The following VAC14 variants were observed in gnomAD, a reference collection of about 807,000 sequenced individuals.
VAC14 encodes protein VAC14 homolog.
In VAC14, 47 loss-of-function variants were observed where a neutral mutation model predicts 85.3. The observed-to-expected ratio is 0.55, with a 90% CI of 0.44 to 0.70. The LOEUF is 0.70. VAC14 is among the 30% of genes least tolerant of loss of function. The pLI is 0.00. For synonymous variants in VAC14, 447 were observed against 430.5 expected, an observed-to-expected ratio of 1.04 and a Z score of -0.47; for missense variants, 861 against 1,004.3, an observed-to-expected ratio of 0.86 and a Z score of 1.93.
At chr16:70,705,971 G>A (rs1057236652) in intron 14 of VAC14, among the ~76,000 whole-genome samples, 1 of 152,184 alleles carries the variant, frequency 6.6e-6, no homozygotes, top group African/African-American at 2.4e-5. Context: ...ACAGATACAG[G>A]AAGGTCTCCT....
chr16:70,789,528 A>C (rs1159726149), intron 1 of VAC14, among the ~76,000 whole-genome samples: 7 of 152,176 alleles, frequency 4.6e-5, no homozygotes, highest in Non-Finnish European at 1.0e-4. Context: ...TCAGTGGTAG[A>C]ATTCTCGCCT....
intron 14 of VAC14, among the ~76,000 whole-genome samples, chr16:70,724,321 C>T (rs1371712746): frequency 6.6e-6 from 1 of 152,302 alleles, no homozygotes; most frequent in East Asian, 1.9e-4. Flanking sequence ...GCCAGGACCA[C>T]CCCCCACTCC....
chr16:70,795,494 T>TAAA (rs71153603), intron 1 of VAC14, among the ~76,000 whole-genome samples: 4,062 of 91,790 alleles, frequency 0.044, 111 homozygotes, highest in Non-Finnish European at 0.071. Flanking sequence ...AGACTCTGTC[T>TAAA]AAAAAAAAAA....
chr16:70,751,777 C>T (rs1567567099), intron 12 of VAC14, among the ~76,000 whole-genome samples: 1 of 152,232 alleles, frequency 6.6e-6, no homozygotes, highest in Non-Finnish European at 1.5e-5. Flanking sequence ...AAGGCATTGG[C>T]ACCAGCTGGC....
At position 70,771,882 on chromosome 16, in the gene VAC14, C is replaced by T. The variant is rs1185836922; in HGVS notation, c.1160+227G>A. On this transcript the variant is annotated intron_variant, in intron 10 of 18. Transcript: ENST00000261776. ...AGGCATAAGCCACCATGTCTGGCCC[C>T]CAGTGGCTTCTAATCCGCCCTATCT... 4 of 523,740 alleles carry T rather than the reference C, an allele frequency of 7.6e-6. No individual in the cohort carries two copies. The African/African-American group carries it at 7.7e-5, about 10-fold the overall frequency. The allele number at this position is 523,740 out of a possible 1,614,324, so 32.4% of individuals were successfully genotyped here.
At chr16:70,725,192 C>T (rs140030225) in intron 14 of VAC14, among the ~76,000 whole-genome samples, 7 of 152,308 alleles carry the variant, frequency 4.6e-5, no homozygotes, top group Non-Finnish European at 7.4e-5. Context: ...GAGGGGGCAC[C>T]GCACAAAGAC....
intron 9 of VAC14, among the ~76,000 whole-genome samples, chr16:70,778,020 G>A (rs1233800928): frequency 6.6e-6 from 1 of 152,190 alleles, no homozygotes; most frequent in Non-Finnish European, 1.5e-5. Context: ...GGATGTAAAG[G>A]CGCCAAATTA....
chr16:70,751,880 G>T (rs1243982883), intron 12 of VAC14, among the ~76,000 whole-genome samples: 1 of 152,204 alleles, frequency 6.6e-6, no homozygotes. Context: ...GAAAGGGGTG[G>T]CATCCTGAGA....
chr16:70,689,271 C>G (rs2053555468), intron 18 of VAC14: 1 of 985,492 alleles, frequency 1.0e-6, no homozygotes, highest in Middle Eastern at 5.2e-4. Flanking sequence ...GTATCCAGCC[C>G]CAGCTTAGGT....
At chr16:70,723,164 G>C (rs2054336905) in intron 14 of VAC14, among the ~76,000 whole-genome samples, 1 of 152,038 alleles carries the variant, frequency 6.6e-6, no homozygotes, top group South Asian at 2.1e-4. Context: ...GGAGGTTGCA[G>C]TGAGCTGAGA....
intron 1 of VAC14, among the ~76,000 whole-genome samples, chr16:70,795,900 G>T (rs2034525801): frequency 6.6e-6 from 1 of 152,194 alleles, no homozygotes; most frequent in Admixed American, 6.5e-5. Flanking sequence ...GTGAGACAGT[G>T]GGGGCCCTGC....
chr16:70,763,952 G>A (rs1176086957), intron 10 of VAC14, among the ~76,000 whole-genome samples: 1 of 152,148 alleles, frequency 6.6e-6, no homozygotes, highest in African/African-American at 2.4e-5. Flanking sequence ...CCTTCCTACC[G>A]AGGCACTACA....
intron 15 of VAC14, among the ~76,000 whole-genome samples, chr16:70,697,958 C>G (rs78094630): frequency 0.03 from 4,502 of 150,268 alleles, 66 homozygotes; most frequent in East Asian, 0.065. Flanking sequence ...CCAGGATGAC[C>G]CCTGTCCCCG....
At position 70,712,104 on chromosome 16, in the gene VAC14, A is replaced by G. The variant is rs528479709; in HGVS notation, c.1662-13293T>C. Among the ~76,000 whole-genome samples, 5 of 152,144 alleles carry G rather than the reference A, an allele frequency of 3.3e-5. No homozygotes were observed. The South Asian group carries it at 8.3e-4, about 25-fold the overall frequency. Reference sequence around the variant, plus strand: ...CACCCCCTCCCGGGAGGCTGAAAAAATTCCTTTTGTGATCAGCCATTTTCA... The same window carrying G: ...CACCCCCTCCCGGGAGGCTGAAAAAGTTCCTTTTGTGATCAGCCATTTTCA... On this transcript the variant is annotated intron_variant, in intron 14 of 18. Coordinates refer to ENST00000261776, the MANE Select transcript of VAC14 (RefSeq NM_018052.5).
intron 10 of VAC14, among the ~76,000 whole-genome samples, chr16:70,766,967 C>G (rs955007052): frequency 4.6e-5 from 7 of 152,140 alleles, no homozygotes; most frequent in Non-Finnish European, 8.8e-5. Context: ...ACCCTGCTGT[C>G]GTGGCTTACC....
chr16:70,779,195 T>C (rs1262831726), intron 9 of VAC14: 1 of 152,246 alleles, frequency 6.6e-6, no homozygotes, highest in Non-Finnish European at 1.5e-5. Flanking sequence ...ACACCTGAGA[T>C]GGGTCCAGCA....
chr16:70,743,162 G>A lies in VAC14; in HGVS notation c.1528+1261C>T, dbSNP rs184099129. ...ACACCAATCAGCACTCTGTAAAAAC[G>A]CACCAATCAGCACTGTGTGTCTAAA... is the stretch of plus-strand genomic sequence containing the variant. On this transcript the variant is annotated intron_variant, in intron 13 of 18. Transcript: ENST00000261776. 7.0e-4 allele frequency among the ~76,000 whole-genome samples: 106 copies of A among 152,034 alleles called. 1 individual carries two copies. Among genetic ancestry groups the A allele is most frequent in the Non-Finnish European group, 9.9e-4 (67 of 67,986 alleles).
rs2143072306 is a variant in VAC14 at position 70,762,596 on chromosome 16, G to A, written c.1315C>T (p.His439Tyr). ...YIKTPRKMFR[H>Y]TDSLFPILLQ... ...AGGATGGGAAAGAGGCTGTCCGTGT[G>A]CCGGAACATCTGGAGGGCAGAGAAG... The change falls in exon 12 of 19, where the codon CAC becomes TAC. Residue 439 changes from histidine (H) to tyrosine (Y), a missense_variant. By Grantham distance (83) the His-to-Tyr change is moderately conservative. This residue lies in a region of VAC14 where 629 missense variants were observed against 703.1 expected (regional missense o/e 0.89). Transcript: ENST00000261776. This position sits in a 1 kb window ranked among gnomAD's most constrained non-coding sequence, Gnocchi z 4.1. The A allele has an allele frequency of 6.2e-7, 1 of 1,614,092 alleles. No individual in the cohort carries two copies. Among genetic ancestry groups the A allele is most frequent in the Non-Finnish European group, 8.5e-7 (1 of 1,179,984 alleles).
At chr16:70,705,638 G>A (rs2053906209) in intron 14 of VAC14, among the ~76,000 whole-genome samples, 1 of 152,202 alleles carries the variant, frequency 6.6e-6, no homozygotes, top group Non-Finnish European at 1.5e-5. Flanking sequence ...TGAGAGATGA[G>A]CGTGGAGGCT....
Sources: allele counts gnomAD v4.1 joint callset (sites outside exome capture counted in the v4.1 genomes callset), GRCh38; gene constraint gnomAD v4.1.1; regional missense constraint gnomAD v4.1.1; non-coding constraint Gnocchi (gnomAD v3.1); transcripts MANE v1.5; gene names NCBI Gene and HGNC (gene_info 2026-07-23, HGNC 2026-07-21).